THSD4: variants seen among roughly 807,000 people sequenced by gnomAD.
THSD4 encodes thrombospondin type-1 domain-containing protein 4.
Under a neutral mutation model 119.0 loss-of-function variants are expected in THSD4, and 69 were observed. That is an observed-to-expected ratio of 0.58 (90% CI 0.48 to 0.71). The LOEUF (loss-of-function observed/expected upper bound fraction) is 0.71, where lower values mean the gene tolerates loss of function less well. Ranked by LOEUF, THSD4 falls within the 30% of genes least tolerant of loss-of-function variation. The pLI is 0.00. For missense variants in THSD4, 1,393 were observed against 1,391.1 expected (o/e 1.00, Z -0.02); for synonymous variants, 524 against 540.4 (o/e 0.97, Z 0.42).
chr15:71,554,733 T>G (rs2048991901), intron 7 of THSD4, among the ~76,000 whole-genome samples: 1 of 151,796 alleles, frequency 6.6e-6, no homozygotes, highest in Admixed American at 6.6e-5. Flanking sequence ...TTACCTTTTT[T>G]TTTTTTTTGA....
chr15:71,691,844 G>A (rs1247855007), intron 8 of THSD4, among the ~76,000 whole-genome samples: 1 of 152,194 alleles, frequency 6.6e-6, no homozygotes, highest in African/African-American at 2.4e-5. Flanking sequence ...CCAGGCAGCT[G>A]GACATGGCGA....
intron 7 of THSD4, among the ~76,000 whole-genome samples, chr15:71,459,210 G>C (rs181295049): frequency 7.0e-6 from 1 of 143,526 alleles, no homozygotes; most frequent in Non-Finnish European, 1.5e-5. Context: ...TCAGGCTGGA[G>C]TGCAGTGGTG....
intron 6 of THSD4, among the ~76,000 whole-genome samples, chr15:71,294,810 C>T (rs2044840037): frequency 6.6e-6 from 1 of 151,436 alleles, no homozygotes; most frequent in African/African-American, 2.4e-5. Context: ...TTTACATTCT[C>T]TTGGTCTTAT....
chr15:71,530,458 A>G (rs1595861607), intron 7 of THSD4, among the ~76,000 whole-genome samples: 1 of 152,208 alleles, frequency 6.6e-6, no homozygotes, highest in Non-Finnish European at 1.5e-5. Flanking sequence ...GTGATTCTTC[A>G]TTGAGGAGGC....
intron 8 of THSD4, among the ~76,000 whole-genome samples, chr15:71,718,468 CTGTT>C (rs2141106973): frequency 6.6e-6 from 1 of 152,286 alleles, no homozygotes; most frequent in African/African-American, 2.4e-5. Context: ...TACGTGAGAA[CTGTT>C]TGTGTCATGA....
At chr15:71,142,234 G>C (rs554847826) in intron 2 of THSD4, among the ~76,000 whole-genome samples, 1 of 151,768 alleles carries the variant, frequency 6.6e-6, no homozygotes, top group Non-Finnish European at 1.5e-5. Context: ...TCAACCATGC[G>C]TGGCAAGTTG....
At chr15:71,768,156 T>C (rs1462698302) in intron 16 of THSD4, among the ~76,000 whole-genome samples, 1 of 151,990 alleles carries the variant, frequency 6.6e-6, no homozygotes, top group Non-Finnish European at 1.5e-5. Flanking sequence ...GGGAATATGA[T>C]AGAATTAGAA....
At chr15:71,333,147 G>A (rs946805518) in intron 6 of THSD4, among the ~76,000 whole-genome samples, 1 of 151,864 alleles carries the variant, frequency 6.6e-6, no homozygotes, top group Admixed American at 6.6e-5. Context: ...CCCACGAGGT[G>A]GGGGCATAAA....
At chr15:71,755,523 A>C (rs1344354719) in intron 14 of THSD4, among the ~76,000 whole-genome samples, 3 of 152,128 alleles carry the variant, frequency 2.0e-5, no homozygotes, top group African/African-American at 4.8e-5. Context: ...GGCTTTGGTC[A>C]TGTGCTAAAG....
At chr15:71,505,287 C>T (rs996923698) in intron 7 of THSD4, among the ~76,000 whole-genome samples, 2 of 152,212 alleles carry the variant, frequency 1.3e-5, no homozygotes, top group African/African-American at 4.8e-5. Flanking sequence ...CCTTTTCCCA[C>T]AATTATTCTC....
In THSD4 at chr15:71,529,275, A is replaced by G. The variant is rs139821603; in HGVS notation, c.1152+117452A>G. ...ATGTTAAGCCATGGAGGAGTTGTCAAGGTTCATCTGTTATAGCAGCTAGCT... is the reference window on the plus strand; with the variant it reads ...ATGTTAAGCCATGGAGGAGTTGTCAGGGTTCATCTGTTATAGCAGCTAGCT... On this transcript the variant is annotated intron_variant, in intron 7 of 17. Transcript: ENST00000261862. Among the ~76,000 whole-genome samples, 1,110 of 152,048 alleles carry G rather than the reference A, an allele frequency of 7.3e-3. 14 individuals are homozygous for G. The highest frequency in any genetic ancestry group is 0.026 in the African/African-American group (1,065 of 41,524).
intron 6 of THSD4, among the ~76,000 whole-genome samples, chr15:71,283,652 A>T (rs1425744887): frequency 1.3e-5 from 2 of 152,214 alleles, no homozygotes. Context: ...GGACATTATT[A>T]AGTTTAGGTT....
At chr15:71,352,230 T>C (rs912556319) in intron 6 of THSD4, among the ~76,000 whole-genome samples, 2 of 152,218 alleles carry the variant, frequency 1.3e-5, no homozygotes, top group African/African-American at 4.8e-5. Context: ...GACTGAAGCT[T>C]CCAGGACCGT....
chr15:71,477,973 TGG>T (rs2047676352), intron 7 of THSD4, among the ~76,000 whole-genome samples: 1 of 151,572 alleles, frequency 6.6e-6, no homozygotes, highest in Admixed American at 6.6e-5. Flanking sequence ...GATGGGGAGG[TGG>T]TGTGCTCAAG....
intron 7 of THSD4, among the ~76,000 whole-genome samples, chr15:71,442,610 G>GTATATATATATATATATATATA (rs2047116932): frequency 1.7e-5 from 1 of 57,734 alleles, no homozygotes; most frequent in Non-Finnish European, 3.9e-5. Context: ...ATGTGTGTGT[G>GTATATATATATATATATATATA]TGTGTGTGTA....
chr15:71,584,426 G>A (rs887407569), intron 7 of THSD4, among the ~76,000 whole-genome samples: 1 of 151,198 alleles, frequency 6.6e-6, no homozygotes, highest in African/African-American at 2.4e-5. Flanking sequence ...CTACCACCAT[G>A]CCCAGCTAAT....
chr15:71,467,129 C>T (rs1426823760), intron 7 of THSD4, among the ~76,000 whole-genome samples: 3 of 152,214 alleles, frequency 2.0e-5, no homozygotes, highest in Middle Eastern at 3.2e-3. Context: ...ACCTCACGTG[C>T]TGCCTTTGTG....
intron 3 of THSD4, chr15:71,165,441 G>C: frequency 1.4e-6 from 2 of 1,437,568 alleles, no homozygotes; most frequent in South Asian, 1.2e-5. Context: ...CCTCAGCGAG[G>C]CACAGAGTCG....
At chr15:71,502,348 CA>C (rs780293028) in intron 7 of THSD4, among the ~76,000 whole-genome samples, 2 of 152,066 alleles carry the variant, frequency 1.3e-5, no homozygotes, top group African/African-American at 2.4e-5. Flanking sequence ...TAAAGTTAAT[CA>C]AAATTAGGGT....
Sources: gnomAD v4.1 joint callset for allele counts (sites outside exome capture counted in the v4.1 genomes callset) on GRCh38, gnomAD v4.1.1 for gene constraint, MANE v1.5 for transcripts, NCBI Gene and HGNC (gene_info 2026-07-23, HGNC 2026-07-21) for gene names.